The following CDK5RAP2 variants were observed in gnomAD, a reference collection of about 807,000 sequenced individuals.
The protein encoded by CDK5RAP2 is CDK5 regulatory subunit associated protein 2.
A neutral mutation model predicts 232.9 loss-of-function variants in CDK5RAP2; 147 were observed. That is an observed-to-expected ratio of 0.63 (90% CI 0.55 to 0.72). The LOEUF is 0.72. Among genes scored for constraint, CDK5RAP2 ranks in the 30% least tolerant of loss-of-function variants. CDK5RAP2 has a pLI of 0.00. For missense variants in CDK5RAP2, 2,195 were observed against 2,231.5 expected, an observed-to-expected ratio of 0.98 and a Z score of 0.33; for synonymous variants, 833 against 833.7, an observed-to-expected ratio of 1.00 and a Z score of 0.01.
At chr9:120,459,040 A>C (rs553226324) in intron 19 of CDK5RAP2, among the ~76,000 whole-genome samples, 2 of 152,314 alleles carry the variant, frequency 1.3e-5, no homozygotes, top group Admixed American at 6.5e-5. Flanking sequence ...AGTTCTTCCT[A>C]AGAAGAGTAT....
intron 22 of CDK5RAP2, among the ~76,000 whole-genome samples, chr9:120,445,931 C>A (rs2131363401): frequency 6.6e-6 from 1 of 152,302 alleles, no homozygotes; most frequent in East Asian, 1.9e-4. Flanking sequence ...AAACCAGACC[C>A]CTAATGTCTC....
intron 12 of CDK5RAP2, among the ~76,000 whole-genome samples, chr9:120,503,161 C>T (rs1211421968): frequency 6.6e-6 from 1 of 152,222 alleles, no homozygotes; most frequent in Non-Finnish European, 1.5e-5. Flanking sequence ...CACTCTGTGA[C>T]ATAGGCTTCC....
At chr9:120,514,961 G>A (rs1267227681) in intron 12 of CDK5RAP2, among the ~76,000 whole-genome samples, 1 of 152,042 alleles carries the variant, frequency 6.6e-6, no homozygotes, top group Non-Finnish European at 1.5e-5. Flanking sequence ...GAAAATTACA[G>A]TATATACGCT....
At chr9:120,426,703 G>C (rs969685982) in intron 25 of CDK5RAP2, among the ~76,000 whole-genome samples, 3 of 152,168 alleles carry the variant, frequency 2.0e-5, no homozygotes, top group African/African-American at 7.2e-5. Context: ...GAATGTAAGT[G>C]TTCCCTACAA....
intron 35 of CDK5RAP2, among the ~76,000 whole-genome samples, chr9:120,396,058 C>A (rs1031422666): frequency 6.6e-6 from 1 of 152,234 alleles, no homozygotes; most frequent in African/African-American, 2.4e-5. Flanking sequence ...AGAAAAGGCC[C>A]TGGCCCTACA....
rs777789167 is a variant in CDK5RAP2, at chr9:120,568,322, T to C, written c.194A>G (p.Asn65Ser). Residue 65 changes from asparagine to serine, a missense_variant and splice_region_variant, in exon 3 of 38, where the codon AAT (asparagine) becomes AGT (serine). Asn to Ser is a conservative substitution (Grantham distance 46). Coordinates refer to ENST00000349780, the MANE Select transcript of CDK5RAP2 (RefSeq NM_018249.6). ...TRARNMKDFE[N>S]QITELKKENF... ...CAGTAATTTGGTATTTCCACTTACA[T>C]TTTCAAAGTCCTTCATGTTCCGTGC... 2.5e-6 allele frequency: 4 copies of C among 1,611,288 alleles called. No individual in the cohort carries two copies. The South Asian group carries it at 4.4e-5, about 18-fold the overall frequency.
intron 1 of CDK5RAP2, among the ~76,000 whole-genome samples, chr9:120,574,522 T>A (rs2042960075): frequency 6.6e-6 from 1 of 152,210 alleles, no homozygotes; most frequent in Admixed American, 6.5e-5. Flanking sequence ...AAATCCAGGA[T>A]CCCAGTGTCT....
rs1001220486 is a variant in CDK5RAP2 at position 120,437,312 on chromosome 9, T to C, written c.3938A>G (p.Glu1313Gly). ...NQCAELLEKL[E>G]KLFLNGKSVG... ...CTACCTACCGTTGAGAAATAGCTTT[T>C]CCAATTTCTCCAGCAGCTCAGCACA... is the stretch of plus-strand genomic sequence containing the variant. The change falls in exon 25 of 38, where the codon GAA becomes GGA. Residue 1313 changes from glutamate (E) to glycine (G), a missense_variant. Transcript: ENST00000349780. The C allele has an allele frequency of 1.9e-6, 3 of 1,612,700 alleles. No individual in the cohort carries two copies. Among genetic ancestry groups the C allele is most frequent in the Admixed American group, 1.7e-5 (1 of 59,886 alleles).
chr9:120,488,642 GT>G (rs1257211612), intron 13 of CDK5RAP2, among the ~76,000 whole-genome samples: 39 of 152,342 alleles, frequency 2.6e-4, no homozygotes, highest in African/African-American at 8.9e-4. Flanking sequence ...TGCCATAGAA[GT>G]TTAAGGATTC....
rs1351594482 is a variant in CDK5RAP2, at chr9:120,394,686, T to G, written c.5452-48A>C. On this transcript the variant is annotated intron_variant, in intron 35 of 37. Transcript: ENST00000349780. The stretch of plus-strand genomic sequence containing the variant: ...AAATGAACAAAGAACATAAACATCA[T>G]GTTACACAGGAAGAATTACAAAGCC... 2.2e-6 allele frequency: 3 copies of G among 1,388,014 alleles called. No individual in the cohort carries two copies. In the African/African-American group the frequency reaches 4.3e-5, roughly 20 times the overall value. The allele number at this position is 1,388,014 out of a possible 1,614,324, so 86.0% of individuals were successfully genotyped here.
chr9:120,564,189 G>A (rs1192150160), intron 3 of CDK5RAP2, among the ~76,000 whole-genome samples: 1 of 152,076 alleles, frequency 6.6e-6, no homozygotes, highest in South Asian at 2.1e-4. Flanking sequence ...AACACTCGGC[G>A]AGGCGTGGTG....
intron 7 of CDK5RAP2, among the ~76,000 whole-genome samples, chr9:120,534,213 C>T (rs970433507): frequency 4.6e-5 from 7 of 152,178 alleles, no homozygotes; most frequent in Non-Finnish European, 7.3e-5. Flanking sequence ...CTTCCCCACT[C>T]CTTTCCAGAA....
intron 21 of CDK5RAP2, among the ~76,000 whole-genome samples, chr9:120,453,251 G>A (rs765680255): frequency 1.2e-4 from 18 of 152,102 alleles, no homozygotes; most frequent in Non-Finnish European, 2.4e-4. Context: ...GAGGAAGAGA[G>A]ACAGAGGGAG....
At chr9:120,496,359 C>G (rs2039236128) in intron 12 of CDK5RAP2, among the ~76,000 whole-genome samples, 1 of 147,696 alleles carries the variant, frequency 6.8e-6, no homozygotes, top group African/African-American at 2.5e-5. Flanking sequence ...CCCGGCCAGC[C>G]GCCCCGTCCG....
intron 12 of CDK5RAP2, among the ~76,000 whole-genome samples, chr9:120,493,146 T>C (rs988902621): frequency 6.6e-6 from 1 of 152,240 alleles, no homozygotes; most frequent in Non-Finnish European, 1.5e-5. Flanking sequence ...AGGTAGGCTC[T>C]AGGAGCTGGA....
intron 19 of CDK5RAP2, among the ~76,000 whole-genome samples, chr9:120,458,970 T>A (rs372788555): frequency 2.6e-5 from 4 of 152,212 alleles, no homozygotes; most frequent in African/African-American, 9.6e-5. Context: ...TGACATGTCT[T>A]ACTCACTACA....
At chr9:120,427,283 T>A (rs1032206726) in intron 25 of CDK5RAP2, among the ~76,000 whole-genome samples, 2 of 152,240 alleles carry the variant, frequency 1.3e-5, no homozygotes, top group African/African-American at 2.4e-5. Flanking sequence ...AAATCCATAA[T>A]GTTTTAAGAA....
intron 12 of CDK5RAP2, among the ~76,000 whole-genome samples, chr9:120,513,686 T>G (rs2131806085): frequency 6.6e-6 from 1 of 152,364 alleles, no homozygotes; most frequent in Admixed American, 6.5e-5. Context: ...TGTTTCTTCA[T>G]GTCTCTATTA....
At chr9:120,420,472 G>A (rs939027365) in intron 26 of CDK5RAP2, among the ~76,000 whole-genome samples, 1 of 152,048 alleles carries the variant, frequency 6.6e-6, no homozygotes, top group African/African-American at 2.4e-5. Flanking sequence ...AAAACCATGA[G>A]ATGGCCTATG....
Sources: gnomAD v4.1 joint callset for allele counts (sites outside exome capture counted in the v4.1 genomes callset) on GRCh38, gnomAD v4.1.1 for gene constraint, MANE v1.5 for transcripts, NCBI Gene and HGNC (gene_info 2026-07-23, HGNC 2026-07-21) for gene names.